Variants in ARHGEF28 observed in about 807,000 individuals in gnomAD.
ARHGEF28 encodes the protein Rho guanine nucleotide exchange factor 28, also known as 190 kDa guanine nucleotide exchange factor.
ARHGEF28 carries 152 observed loss-of-function variants against 206.6 expected under a neutral mutation model. The observed-to-expected ratio is 0.74, with a 90% CI of 0.64 to 0.84. The LOEUF (loss-of-function observed/expected upper bound fraction) is 0.84, where lower values mean the gene tolerates loss of function less well. Among genes scored for constraint, ARHGEF28 ranks in the 40% least tolerant of loss-of-function variants. The pLI is 0.00. For synonymous variants in ARHGEF28, 763 were observed against 776.4 expected (o/e 0.98, Z 0.29); for missense variants, 2,028 against 2,073.2 (o/e 0.98, Z 0.42).
chr5:73,923,067 C>A, intron 35 of ARHGEF28: 1 of 1,532,240 alleles, frequency 6.5e-7, no homozygotes, highest in Non-Finnish European at 8.7e-7. Context: ...TCTGGTAATG[C>A]GGCCATATTT....
intron 22 of ARHGEF28, among the ~76,000 whole-genome samples, chr5:73,876,691 G>T (rs1760515737): frequency 6.6e-6 from 1 of 150,900 alleles, no homozygotes; most frequent in Non-Finnish European, 1.5e-5. Context: ...TGTGGTTTTT[G>T]TCTTTGGTTC....
intron 5 of ARHGEF28, among the ~76,000 whole-genome samples, chr5:73,774,726 A>G (rs1207215719): frequency 6.6e-6 from 1 of 152,214 alleles, no homozygotes; most frequent in Non-Finnish European, 1.5e-5. Flanking sequence ...CAGGTCAGCC[A>G]TTATTCTTAG....
At chr5:73,736,071 A>G (rs1322411832) in intron 2 of ARHGEF28, among the ~76,000 whole-genome samples, 1 of 152,244 alleles carries the variant, frequency 6.6e-6, no homozygotes, top group Non-Finnish European at 1.5e-5. Context: ...TGCCTAACAC[A>G]GTGCCTGACA....
chr5:73,847,655 T>C (rs974650579), intron 12 of ARHGEF28, among the ~76,000 whole-genome samples: 1 of 152,250 alleles, frequency 6.6e-6, no homozygotes, highest in African/African-American at 2.4e-5. Flanking sequence ...CAGTTTCATG[T>C]TGCTCATTTT....
intron 3 of ARHGEF28, among the ~76,000 whole-genome samples, chr5:73,751,668 G>A (rs1752024209): frequency 6.6e-6 from 1 of 151,992 alleles, no homozygotes; most frequent in Non-Finnish European, 1.5e-5. Flanking sequence ...TCCTTCCTTA[G>A]GAGGAAGGTA....
At chr5:73,932,639 A>G (rs1033784399) in intron 35 of ARHGEF28, among the ~76,000 whole-genome samples, 1 of 152,090 alleles carries the variant, frequency 6.6e-6, no homozygotes, top group Non-Finnish European at 1.5e-5. Flanking sequence ...AGAATTCCAA[A>G]TTAGTGATTT....
At chr5:73,669,588 T>G (rs936072520) in intron 1 of ARHGEF28, among the ~76,000 whole-genome samples, 2 of 152,246 alleles carry the variant, frequency 1.3e-5, no homozygotes, top group Non-Finnish European at 2.9e-5. Flanking sequence ...TGGAAACATT[T>G]TATAAAGCTA....
chr5:73,825,489 C>T (rs1186495388), intron 9 of ARHGEF28, among the ~76,000 whole-genome samples: 1 of 152,014 alleles, frequency 6.6e-6, no homozygotes, highest in Non-Finnish European at 1.5e-5. Context: ...ACGGGAGGCA[C>T]TGTAGGTCAT....
Position 73,670,949 on chromosome 5 carries a change from C to T in ARHGEF28, c.-11-13892C>T, listed in dbSNP as rs564707431. Among the ~76,000 whole-genome samples the T allele has an allele frequency of 3.9e-5, 6 of 152,016 alleles. No individual in the cohort carries two copies. In the South Asian group the frequency reaches 8.3e-4, roughly 21 times the overall value. ...CCTCCTTACATGGGCTTTCACAGAG[C>T]GAAATTTTGATGTCTGGCATGGTTT... On this transcript the variant is annotated intron_variant, in intron 1 of 35. Coordinates refer to ENST00000513042, the MANE Select transcript of ARHGEF28 (RefSeq NM_001177693.2).
At chr5:73,834,192 T>C (rs1757467052) in intron 10 of ARHGEF28, among the ~76,000 whole-genome samples, 1 of 152,178 alleles carries the variant, frequency 6.6e-6, no homozygotes, top group African/African-American at 2.4e-5. Context: ...ATATTTATTT[T>C]TGTAGTGAGA....
At chr5:73,674,537 C>G (rs1024973397) in intron 1 of ARHGEF28, among the ~76,000 whole-genome samples, 2 of 152,234 alleles carry the variant, frequency 1.3e-5, no homozygotes, top group African/African-American at 4.8e-5. Context: ...TGACTTCATT[C>G]TTTCTCCTGT....
At chr5:73,645,369 T>A (rs1444692392) in intron 1 of ARHGEF28, among the ~76,000 whole-genome samples, 1 of 152,172 alleles carries the variant, frequency 6.6e-6, no homozygotes, top group African/African-American at 2.4e-5. Context: ...GGGTTTCCAA[T>A]CACTGGCATT....
At chr5:73,748,146 TTG>T (rs1166645720) in intron 2 of ARHGEF28, among the ~76,000 whole-genome samples, 1 of 152,240 alleles carries the variant, frequency 6.6e-6, no homozygotes, top group African/African-American at 2.4e-5. Flanking sequence ...AAATGGAATT[TTG>T]TCTAAGTTTC....
intron 35 of ARHGEF28, among the ~76,000 whole-genome samples, chr5:73,920,483 G>T (rs1471616188): frequency 6.7e-6 from 1 of 150,180 alleles, no homozygotes; most frequent in East Asian, 1.9e-4. Context: ...GAACATGCAG[G>T]TTTGTTGCAT....
chr5:73,929,755 A>G (rs1764003833), intron 35 of ARHGEF28, among the ~76,000 whole-genome samples: 1 of 152,108 alleles, frequency 6.6e-6, no homozygotes, highest in African/African-American at 2.4e-5. Flanking sequence ...TGTTTTTCCT[A>G]CTTAGGGTTA....
chr5:73,777,645 A>T (rs951276738), intron 6 of ARHGEF28, among the ~76,000 whole-genome samples: 1 of 152,224 alleles, frequency 6.6e-6, no homozygotes, highest in Non-Finnish European at 1.5e-5. Context: ...TTAAAATAAA[A>T]CATGGTCTTC....
chr5:73,819,410 T>G (rs1398992144), intron 9 of ARHGEF28, among the ~76,000 whole-genome samples: 1 of 152,122 alleles, frequency 6.6e-6, no homozygotes, highest in African/African-American at 2.4e-5. Context: ...ATCACAGCAA[T>G]CCTCCTGCCT....
intron 22 of ARHGEF28, among the ~76,000 whole-genome samples, chr5:73,878,144 C>T (rs1760656419): frequency 6.6e-6 from 1 of 151,852 alleles, no homozygotes. Context: ...ATAGTTAGCT[C>T]TTCTTGTTGA....
intron 2 of ARHGEF28, among the ~76,000 whole-genome samples, chr5:73,712,481 T>C (rs60918746): frequency 0.023 from 3,526 of 152,290 alleles, 132 homozygotes; most frequent in African/African-American, 0.081. Context: ...TTTCTTCTCC[T>C]CCATAAGTGG....
Sources: gnomAD v4.1 joint callset for allele counts (sites outside exome capture counted in the v4.1 genomes callset) on GRCh38, gnomAD v4.1.1 for gene constraint, MANE v1.5 for transcripts, NCBI Gene and HGNC (gene_info 2026-07-23, HGNC 2026-07-21) for gene names.